DMXL2: variants seen among roughly 807,000 people sequenced by gnomAD.
DMXL2 encodes dmX-like protein 2.
In DMXL2, 103 loss-of-function variants were observed where a neutral mutation model predicts 331.1. The ratio of observed to expected loss-of-function variants is 0.31; its 90% CI spans 0.27 to 0.37. The LOEUF (loss-of-function observed/expected upper bound fraction) is 0.37, where lower values mean the gene tolerates loss of function less well. Ranked by LOEUF, DMXL2 falls within the 10% of genes least tolerant of loss-of-function variation. DMXL2 has a pLI of 1.00. For missense variants in DMXL2, 3,171 were observed against 3,642.9 expected (o/e 0.87, Z 3.33); for synonymous variants, 1,281 against 1,252.1 (o/e 1.02, Z -0.49).
intron 1 of DMXL2, among the ~76,000 whole-genome samples, chr15:51,606,764 C>T (rs775937627): frequency 2.6e-5 from 4 of 152,144 alleles, no homozygotes; most frequent in African/African-American, 9.7e-5. Context: ...AAACTAAGAA[C>T]TTACGGATGG....
intron 1 of DMXL2, among the ~76,000 whole-genome samples, chr15:51,585,479 T>C (rs1291543526): frequency 6.6e-6 from 1 of 152,216 alleles, no homozygotes; most frequent in East Asian, 1.9e-4. Flanking sequence ...CCATAATTAA[T>C]TTTGGTTGTT....
chr15:51,456,284 C>G, intron 38 of DMXL2, 25 bp downstream of exon 38: 7 of 1,596,324 alleles, frequency 4.4e-6, no homozygotes, highest in Non-Finnish European at 6.0e-6. Context: ...AGGACACTTA[C>G]AATTATTAGG....
intron 1 of DMXL2, among the ~76,000 whole-genome samples, chr15:51,576,921 GA>G (rs2051089639): frequency 6.6e-6 from 1 of 152,132 alleles, no homozygotes; most frequent in Non-Finnish European, 1.5e-5. Context: ...CTACAACACA[GA>G]ATTAAATTGT....
At position 51,481,020 on chromosome 15, in the gene DMXL2, G is replaced by A; in HGVS notation, c.6086C>T (p.Pro2029Leu). 1 of 1,614,130 alleles carries A rather than the reference G, an allele frequency of 6.2e-7. No individual in the cohort carries two copies. Among genetic ancestry groups the A allele is most frequent in the Non-Finnish European group, 8.5e-7 (1 of 1,180,018 alleles). ...MLLTPQEEDD[P>L]EGDTEVDVIA... Reference sequence around the variant, plus strand: ...CACATCAACTTCAGTATCACCTTCAGGATCATCCTCTTCCTGAGGTGTTAA... The same window carrying A: ...CACATCAACTTCAGTATCACCTTCAAGATCATCCTCTTCCTGAGGTGTTAA... The change falls in exon 24 of 44, where the codon CCT (proline) becomes CTT (leucine). Residue 2029 changes from proline to leucine, a missense_variant. Pro to Leu is a moderately conservative substitution (Grantham distance 98). Around this residue, in one of 7 missense-constraint regions of DMXL2, gnomAD observed 244 missense variants for 251.4 expected, o/e 0.97. Coordinates refer to ENST00000560891, the MANE Select transcript of DMXL2 (RefSeq NM_001378457.1).
rs2050134468 is a variant in DMXL2 at position 51,564,198 on chromosome 15, G to A, written c.427C>T (p.Leu143=). The A allele has an allele frequency of 6.2e-7, 1 of 1,608,408 alleles. No individual in the cohort carries two copies. The highest frequency in any genetic ancestry group is 1.7e-5 in the Admixed American group (1 of 58,894). ...TTATCAATTTCTTCCTCCTCTTCCAGAATATCATCTCCTGGAGGAGCCCAC... is the reference window on the plus strand; with the variant it reads ...TTATCAATTTCTTCCTCCTCTTCCAAAATATCATCTCCTGGAGGAGCCCAC... ...QLWAPPGDDI[L]EEEEEIDNTV... Residue 143 remains leucine, a synonymous_variant, in exon 5 of 44, where the codon CTG becomes TTG. Transcript: ENST00000560891.
intron 13 of DMXL2, among the ~76,000 whole-genome samples, chr15:51,530,098 GAACA>G (rs1364126590): frequency 8.6e-5 from 13 of 151,832 alleles, no homozygotes; most frequent in African/African-American, 2.7e-4. Context: ...GGTATAGAAG[GAACA>G]TACCTTCTAT....
intron 29 of DMXL2, among the ~76,000 whole-genome samples, chr15:51,470,161 T>A (rs1380189478): frequency 6.6e-6 from 1 of 152,118 alleles, no homozygotes; most frequent in Non-Finnish European, 1.5e-5. Flanking sequence ...TTTGAGACAC[T>A]GTCTCAGTCC....
intron 19 of DMXL2, among the ~76,000 whole-genome samples, chr15:51,493,734 CA>C (rs2042963642): frequency 1.3e-5 from 2 of 152,076 alleles, no homozygotes; most frequent in African/African-American, 2.4e-5. Context: ...AGGAAATGTA[CA>C]AAATTGTCAT....
chr15:51,550,674 T>C (rs1166374264), intron 6 of DMXL2, among the ~76,000 whole-genome samples: 4 of 152,170 alleles, frequency 2.6e-5, no homozygotes, highest in African/African-American at 9.7e-5. Flanking sequence ...CCAAGTGTTA[T>C]TTTTTAAAAT....
At position 51,480,823 on chromosome 15, in the gene DMXL2, T is replaced by C. The variant is rs1225629838; in HGVS notation, c.6283A>G (p.Lys2095Glu). ...GAATATGTCTTACTGGAATACTCTTTAATAACTGATTCATGATTACATATC... is the reference window on the plus strand; with the variant it reads ...GAATATGTCTTACTGGAATACTCTTCAATAACTGATTCATGATTACATATC... Reference protein sequence around the residue: ...HEICNHESVIKEYSSKTYSKV... With the variant: ...HEICNHESVIEEYSSKTYSKV... The change falls in exon 24 of 44, where the codon AAA becomes GAA. Residue 2095 changes from lysine (K) to glutamate (E), a missense_variant. Physicochemically the swap from Lys to Glu is moderately conservative, Grantham distance 56. Around this residue, in one of 7 missense-constraint regions of DMXL2, gnomAD observed 197 missense variants for 196.2 expected, o/e 1.00. Transcript: ENST00000560891. 2 of 1,612,430 alleles carry C rather than the reference T, an allele frequency of 1.2e-6. No homozygotes were observed. The highest frequency in any genetic ancestry group is 2.2e-5 in the East Asian group (1 of 44,882).
rs773854481 is a variant in DMXL2, at chr15:51,487,996, A to G, written c.5175T>C (p.Ala1725=). The change falls in exon 22 of 44, where the codon GCT becomes GCC. Residue 1725 remains alanine, a synonymous_variant. Transcript: ENST00000560891. ...LLGKQRFEQS[A]AFFLLAGSLK... is the part of the protein sequence containing the mutation. ...ATGAACCAGCTAGCAAGAAAAAAGC[A>G]GCCGATTGTTCAAAGCGTTGTTTTC... 6.2e-7 allele frequency: 1 copy of G among 1,612,700 alleles called. No individual in the cohort carries two copies.
chr15:51,522,189 C>A (rs1328919521), intron 13 of DMXL2, among the ~76,000 whole-genome samples: 1 of 152,180 alleles, frequency 6.6e-6, no homozygotes, highest in African/African-American at 2.4e-5. Context: ...AAATAGCCTG[C>A]TAAACATAAA....
intron 1 of DMXL2, among the ~76,000 whole-genome samples, chr15:51,586,854 TAAAAGGTAGATCCGG>T (rs1229295865): frequency 6.6e-6 from 1 of 152,046 alleles, no homozygotes; most frequent in Non-Finnish European, 1.5e-5. Context: ...GCATTCTCAA[TAAAAGGTAGATCCGG>T]AAGTGGAAAT....
intron 29 of DMXL2, among the ~76,000 whole-genome samples, chr15:51,467,252 A>C (rs1056187908): frequency 1.3e-5 from 2 of 152,166 alleles, no homozygotes; most frequent in Non-Finnish European, 2.9e-5. Context: ...CTGAAAAACA[A>C]TGTAATCAAT....
At chr15:51,609,414 C>G (rs1203690047) in intron 1 of DMXL2, among the ~76,000 whole-genome samples, 1 of 152,212 alleles carries the variant, frequency 6.6e-6, no homozygotes. Context: ...CTACAACGGA[C>G]CCGGTCTACA....
At chr15:51,464,553 C>A in intron 32 of DMXL2, 122 bp downstream of exon 32, 1 of 736,792 alleles carries the variant, frequency 1.4e-6, no homozygotes, top group Non-Finnish European at 2.2e-6. Flanking sequence ...GCGTATTCTG[C>A]TAAAAATAGG....
chr15:51,564,281 T>A lies in DMXL2; in HGVS notation c.365-21A>T, dbSNP rs763922802. The A allele has an allele frequency of 1.9e-6, 3 of 1,540,404 alleles. No homozygotes were observed. The East Asian group carries it at 7.1e-5, about 37-fold the overall frequency. ...ATTATCTGAAAATTAAAGAATGTTA[T>A]GATGAATATGCAAATATTATATAGG... On this transcript the variant is annotated intron_variant, in intron 4 of 43. Coordinates refer to ENST00000560891, the MANE Select transcript of DMXL2 (RefSeq NM_001378457.1).
Position 51,481,073 on chromosome 15 carries a change from A to G in DMXL2, c.6033T>C (p.Asp2011=). The change falls in exon 24 of 44, where the codon GAT becomes GAC. Residue 2011 remains aspartate (D), a synonymous_variant. Transcript: ENST00000560891. The part of the protein sequence containing the change: ...TDAREKDKQS[D]QKASDPNMLL... The stretch of plus-strand genomic sequence containing the variant: ...ACATGTTAGGGTCTGAGGCCTTCTG[A>G]TCTGATTGTTTATCTTTTTCCCTGG... 6.2e-7 allele frequency: 1 copy of G among 1,613,862 alleles called. No homozygotes were observed. The highest frequency in any genetic ancestry group is 8.5e-7 in the Non-Finnish European group (1 of 1,179,852).
chr15:51,564,303 T>C (rs113471511), intron 4 of DMXL2, 43 bp from the exon 5 acceptor site: 56 of 1,437,978 alleles, frequency 3.9e-5, no homozygotes, highest in South Asian at 5.5e-5. Flanking sequence ...AAATATTATA[T>C]AGGGAAATAA....
Sources: gnomAD v4.1 joint callset for allele counts (sites outside exome capture counted in the v4.1 genomes callset) on GRCh38, gnomAD v4.1.1 for gene constraint, gnomAD v4.1.1 regional missense constraint, MANE v1.5 for transcripts, NCBI Gene and HGNC (gene_info 2026-07-23, HGNC 2026-07-21) for gene names.